MIB1: variants seen among roughly 807,000 people sequenced by gnomAD.
MIB1 encodes the protein E3 ubiquitin-protein ligase MIB1.
In MIB1, 278 loss-of-function variants were observed where a neutral mutation model predicts 124.5. The ratio of observed to expected loss-of-function variants is 2.23; its 90% confidence interval spans 2.02 to 2.47. The LOEUF is 2.47. Among genes scored for constraint, MIB1 ranks in the 30% most tolerant of loss-of-function variants. The pLI is 0.00. For missense variants in MIB1, 957 were observed against 1,254.4 expected, an observed-to-expected ratio of 0.76 and a Z score of 3.58; for synonymous variants, 446 against 429.4, an observed-to-expected ratio of 1.04 and a Z score of -0.48.
intron 12 of MIB1, chr18:21,825,566 T>TA (rs1197634389): frequency 1.7e-5 from 7 of 408,096 alleles, no homozygotes; most frequent in African/African-American, 1.5e-4. Flanking sequence ...TTAACCATTC[T>TA]AGCTTTTCCA....
At chr18:21,764,623 A>AT (rs1402504018) in intron 1 of MIB1, among the ~76,000 whole-genome samples, 4 of 152,204 alleles carry the variant, frequency 2.6e-5, no homozygotes, top group Non-Finnish European at 5.9e-5. Context: ...AAAGAGGAAG[A>AT]TAATGTAATG....
chr18:21,786,104 G>GTT (rs914144856), intron 6 of MIB1, among the ~76,000 whole-genome samples: 1 of 146,794 alleles, frequency 6.8e-6, no homozygotes, highest in African/African-American at 2.5e-5. Flanking sequence ...TTGTTTTTCT[G>GTT]TTTTTTTTTT....
chr18:21,860,178 G>C (rs946520296), intron 20 of MIB1, among the ~76,000 whole-genome samples: 4 of 121,240 alleles, frequency 3.3e-5, no homozygotes, highest in Non-Finnish European at 4.8e-5. Flanking sequence ...TTGGCTCACT[G>C]AAACCTCTGC....
intron 16 of MIB1, 149 bp from the exon 17 acceptor site, chr18:21,849,047 T>G: frequency 2.0e-6 from 1 of 496,668 alleles, no homozygotes; most frequent in Non-Finnish European, 3.5e-6. Flanking sequence ...ACACAAAAAT[T>G]TAATGTTTCA....
rs755675508 is a variant in MIB1 at position 21,741,535 on chromosome 18, A to AGCGGCG, written c.-34_-29dup. 3.1e-5 allele frequency: 38 copies of AGCGGCG among 1,231,352 alleles called. 1 individual carries two copies. Among genetic ancestry groups the AGCGGCG allele is most frequent in the South Asian group, 1.3e-4 (5 of 39,400 alleles). 76.3% of individuals were successfully genotyped at this position (1,231,352 alleles called of 1,614,324 possible). A position where few individuals can be genotyped will look rare whatever the true frequency, so the allele number is the denominator to read the frequency against. On this transcript the variant is annotated 5_prime_UTR_variant, in exon 1 of 21. Coordinates refer to ENST00000261537, the MANE Select transcript of MIB1 (RefSeq NM_020774.4). The surrounding 1 kb of genome is among the most constrained non-coding windows in gnomAD (Gnocchi z 5.4). ...ACTCCCTCACGGGCCCCCCGGCGGC[A>AGCGGCG]GCGGCGGCGGCGGCGGCGGCAGCGG...
chr18:21,842,091 CAAAAAAAAAAA>C (rs376834305), intron 13 of MIB1, among the ~76,000 whole-genome samples: 28 of 35,684 alleles, frequency 7.8e-4, no homozygotes, highest in Admixed American at 3.0e-3. Flanking sequence ...GACCCTATCT[CAAAAAAAAAAA>C]AAAAAAAAAA....
intron 10 of MIB1, among the ~76,000 whole-genome samples, chr18:21,813,059 C>T (rs2041791865): frequency 6.6e-6 from 1 of 151,938 alleles, no homozygotes; most frequent in African/African-American, 2.4e-5. Context: ...TTCCTTTTGA[C>T]AAACATATCA....
intron 1 of MIB1, among the ~76,000 whole-genome samples, chr18:21,760,785 G>A (rs948243413): frequency 1.1e-4 from 16 of 152,180 alleles, no homozygotes; most frequent in Non-Finnish European, 2.1e-4. Context: ...GGGTAGTTGG[G>A]ATACATTTTC....
intron 1 of MIB1, among the ~76,000 whole-genome samples, chr18:21,721,181 T>G (rs1290661107): frequency 4.4e-5 from 5 of 114,420 alleles, no homozygotes; most frequent in African/African-American, 7.3e-5. Context: ...TTTTTTTTTT[T>G]TTTTTTTTTT....
upstream of MIB1, among the ~76,000 whole-genome samples, chr18:21,736,362 C>T (rs1210983306): frequency 1.3e-5 from 2 of 152,204 alleles, no homozygotes; most frequent in African/African-American, 4.8e-5. Flanking sequence ...ATCCGAAGGT[C>T]ACCAACATCA....
chr18:21,740,972 GC>G lies in MIB1; in HGVS notation c.-611del, dbSNP rs1440196030. Among the ~76,000 whole-genome samples the G allele has an allele frequency of 1.3e-5, 2 of 152,218 alleles. No homozygotes were observed. Among genetic ancestry groups the G allele is most frequent in the African/African-American group, 4.8e-5 (2 of 41,468 alleles). ...CCGGATGTGGAGTCGCTCTCGCCCG[GC>G]TGGGACTCTGTGGCGGGGCGGAGCG... is the stretch of plus-strand genomic sequence containing the variant. On this transcript the variant is annotated 5_prime_UTR_variant, in exon 1 of 21. The change creates a premature stop within an existing upstream ORF in the 5' untranslated region. Coordinates refer to ENST00000261537, the MANE Select transcript of MIB1 (RefSeq NM_020774.4).
At chr18:21,781,209 C>G (rs2041357861) in intron 6 of MIB1, among the ~76,000 whole-genome samples, 1 of 151,030 alleles carries the variant, frequency 6.6e-6, no homozygotes, top group South Asian at 2.1e-4. Flanking sequence ...CCTCGACTGG[C>G]CAGTAAAAGC....
chr18:21,727,861 A>T (rs1397372087), intron 1 of MIB1, among the ~76,000 whole-genome samples: 2 of 152,154 alleles, frequency 1.3e-5, no homozygotes, highest in African/African-American at 2.4e-5. Flanking sequence ...GCTGCAAGAA[A>T]ATGAATTCTG....
At chr18:21,723,305 A>G (rs1481725086) in intron 1 of MIB1, among the ~76,000 whole-genome samples, 1 of 151,960 alleles carries the variant, frequency 6.6e-6, no homozygotes, top group Non-Finnish European at 1.5e-5. Context: ...CTCCAGGCTC[A>G]TCTTGTATTT....
intron 6 of MIB1, among the ~76,000 whole-genome samples, chr18:21,784,600 T>C (rs560131683): frequency 6.6e-6 from 1 of 152,354 alleles, no homozygotes; most frequent in African/African-American, 2.4e-5. Flanking sequence ...TTACTCTTTA[T>C]TCCAGTATTG....
Position 21,765,943 on chromosome 18 carries a change from G to A in MIB1, c.401G>A (p.Arg134Lys). The A allele has an allele frequency of 1.9e-6, 3 of 1,613,704 alleles. No homozygotes were observed. The highest frequency in any genetic ancestry group is 1.1e-5 in the South Asian group (1 of 91,030). ...CGAATTACTACACCGGGAAGTGAGA[G>A]GTAGGGAGAACCCTTTTCTTCTTCA... ...FYRITTPGSE[R>K]VLLESRRKSK... Residue 134 changes from arginine to lysine, a missense_variant and splice_region_variant, in exon 2 of 21, where the codon AGG becomes AAG. Coordinates refer to ENST00000261537, the MANE Select transcript of MIB1 (RefSeq NM_020774.4).
At chr18:21,853,029 G>A (rs367763105) in intron 17 of MIB1, 111 bp from the exon 18 acceptor site, 3 of 703,428 alleles carry the variant, frequency 4.3e-6, no homozygotes, top group South Asian at 1.8e-5. Flanking sequence ...AAATTTCTCT[G>A]TGCCTAGGTG....
chr18:21,818,055 G>T lies in MIB1; in HGVS notation c.1678-1440G>T, dbSNP rs551754478. On this transcript the variant is annotated intron_variant, in intron 11 of 20. Coordinates refer to ENST00000261537, the MANE Select transcript of MIB1 (RefSeq NM_020774.4). The stretch of plus-strand genomic sequence containing the variant: ...AAAAAGTAGTCAGCTTGAAAAAATG[G>T]TAGACTGAGATTGCTAAATTTTAAT... 2.6e-5 allele frequency among the ~76,000 whole-genome samples: 4 copies of T among 152,250 alleles called. No individual in the cohort carries two copies. The East Asian group carries it at 7.7e-4, about 29-fold the overall frequency.
chr18:21,776,959 A>G (rs1004382884), intron 4 of MIB1, among the ~76,000 whole-genome samples: 3 of 151,934 alleles, frequency 2.0e-5, no homozygotes, highest in African/African-American at 7.3e-5. Flanking sequence ...CCTGGGTGAC[A>G]GAGCGAGACT....
Sources: allele counts gnomAD v4.1 joint callset (sites outside exome capture counted in the v4.1 genomes callset), GRCh38; gene constraint gnomAD v4.1.1; non-coding constraint Gnocchi (gnomAD v3.1); transcripts MANE v1.5; gene names NCBI Gene and HGNC (gene_info 2026-07-23, HGNC 2026-07-21).